DMD: variants seen among roughly 807,000 people sequenced by gnomAD.
The protein encoded by DMD is mutant dystrophin.
Under a neutral mutation model 330.1 loss-of-function variants are expected in DMD, and 63 were observed. That is an observed-to-expected ratio of 0.19 (90% CI 0.16 to 0.24). DMD has a LOEUF of 0.24. Ranked by LOEUF, DMD falls within the 10% of genes least tolerant of loss-of-function variation. The pLI, the probability that DMD is intolerant of heterozygous loss-of-function variation, is 1.00. For synonymous variants in DMD, 1,223 were observed against 959.8 expected, an observed-to-expected ratio of 1.27 and a Z score of -5.07; for missense variants, 3,344 against 2,684.1, an observed-to-expected ratio of 1.25 and a Z score of -5.43.
intron 59 of DMD, among the ~76,000 whole-genome samples, chrX:31,465,931 T>C (rs912319841): frequency 3.6e-5 from 4 of 112,643 alleles, no homozygotes; most frequent in African/African-American, 1.3e-4. Context: ...ATTTCTCTAA[T>C]CACCAGTGAT....
intron 53 of DMD, among the ~76,000 whole-genome samples, chrX:31,659,496 G>A (rs1363948230): frequency 2.8e-5 from 3 of 108,048 alleles, no homozygotes; most frequent in African/African-American, 1.0e-4. Flanking sequence ...AAAATTAGCC[G>A]GGTGTGCTGG....
chrX:31,342,813 A>G (rs1333324221), intron 61 of DMD, among the ~76,000 whole-genome samples: 1 of 111,997 alleles, frequency 8.9e-6, no homozygotes, highest in African/African-American at 3.2e-5. Context: ...GTCTCTCTCT[A>G]TCACCCAGGC....
At chrX:32,534,933 A>G (rs779925400) in intron 17 of DMD, among the ~76,000 whole-genome samples, 3 of 111,282 alleles carry the variant, frequency 2.7e-5, no homozygotes, top group Non-Finnish European at 5.6e-5. Flanking sequence ...CAGGTTTCTG[A>G]CCAGGGAAGA....
intron 3 of DMD, among the ~76,000 whole-genome samples, chrX:32,849,519 T>C (rs779309602): frequency 3.8e-4 from 43 of 111,998 alleles, no homozygotes; most frequent in African/African-American, 1.4e-3. Flanking sequence ...TCTATTAATA[T>C]AAATTGTATT....
intron 37 of DMD, among the ~76,000 whole-genome samples, chrX:32,357,911 C>T (rs964313889): frequency 1.0e-4 from 11 of 109,773 alleles, no homozygotes; most frequent in African/African-American, 2.3e-4. Context: ...TATGTTTATG[C>T]CGAATTGTTA....
intron 30 of DMD, among the ~76,000 whole-genome samples, chrX:32,404,480 T>C (rs931136291): frequency 2.7e-5 from 3 of 111,557 alleles, no homozygotes; most frequent in Non-Finnish European, 5.7e-5. Context: ...ATCAGAATTC[T>C]TTGGGAAAAA....
intron 45 of DMD, among the ~76,000 whole-genome samples, chrX:31,948,034 G>A (rs1002525475): frequency 9.0e-6 from 1 of 110,623 alleles, no homozygotes; most frequent in East Asian, 2.8e-4. Context: ...TTCCCCCTTC[G>A]CCCAGCCCCT....
chrX:31,990,524 C>T (rs1315544959), intron 44 of DMD, among the ~76,000 whole-genome samples: 1 of 112,164 alleles, frequency 8.9e-6, no homozygotes, highest in Non-Finnish European at 1.9e-5. Flanking sequence ...TGTTATTTTC[C>T]TTGCTCTAAG....
At chrX:32,183,573 T>TATAA (rs1557196675) in intron 44 of DMD, among the ~76,000 whole-genome samples, 1 of 26,760 alleles carries the variant, frequency 3.7e-5, no homozygotes, top group African/African-American at 1.1e-4. Flanking sequence ...TATATATAAA[T>TATAA]ATATATATAT....
chrX:32,363,931 A>G (rs1292168443), intron 36 of DMD, among the ~76,000 whole-genome samples: 2 of 111,866 alleles, frequency 1.8e-5, no homozygotes, highest in African/African-American at 3.2e-5. Context: ...GACATCATCA[A>G]ATAGAAACAA....
chrX:32,645,873 C>T (rs976285412), intron 9 of DMD, among the ~76,000 whole-genome samples: 2 of 111,945 alleles, frequency 1.8e-5, no homozygotes, highest in African/African-American at 6.5e-5. Flanking sequence ...GACCCTAAAG[C>T]CAAGAGCAAA....
intron 44 of DMD, among the ~76,000 whole-genome samples, chrX:32,029,500 C>T (rs1286293234): frequency 9.0e-6 from 1 of 111,039 alleles, no homozygotes; most frequent in Admixed American, 9.6e-5. Context: ...AAAACTTGAT[C>T]TAGAAGATCA....
intron 1 of DMD, among the ~76,000 whole-genome samples, chrX:33,205,144 T>C (rs2051494114): frequency 1.8e-5 from 2 of 112,688 alleles, no homozygotes; most frequent in African/African-American, 6.4e-5. Context: ...TGCATCTGAT[T>C]ACGCTCTTTA....
intron 2 of DMD, among the ~76,000 whole-genome samples, chrX:33,008,803 C>CACATATAT (rs367795613): frequency 3.2e-5 from 2 of 62,593 alleles, no homozygotes; most frequent in African/African-American, 5.6e-5. Flanking sequence ...CGTATATATA[C>CACATATAT]GTATATATAC....
At chrX:32,702,080 A>G (rs1376214313) in intron 7 of DMD, among the ~76,000 whole-genome samples, 1 of 112,205 alleles carries the variant, frequency 8.9e-6, no homozygotes, top group Non-Finnish European at 1.9e-5. Flanking sequence ...TACATTTTCA[A>G]GAAATCTATT....
chrX:32,378,095 A>G (rs1249758000), intron 34 of DMD, among the ~76,000 whole-genome samples: 2 of 110,800 alleles, frequency 1.8e-5, no homozygotes, highest in Non-Finnish European at 3.8e-5. Flanking sequence ...AAGTTCTAGC[A>G]AAAAGCTAAC....
intron 7 of DMD, among the ~76,000 whole-genome samples, chrX:32,768,287 T>C (rs951243622): frequency 8.9e-6 from 1 of 112,024 alleles, no homozygotes; most frequent in Non-Finnish European, 1.9e-5. Context: ...ATTTGGGGAA[T>C]AGAGCTATTC....
intron 41 of DMD, among the ~76,000 whole-genome samples, chrX:32,337,002 A>C (rs1284387330): frequency 9.0e-6 from 1 of 111,280 alleles, no homozygotes; most frequent in East Asian, 2.8e-4. Flanking sequence ...TGATCTCATT[A>C]ACTCCTTAGA....
At chrX:32,748,014 C>A (rs957129243) in intron 7 of DMD, among the ~76,000 whole-genome samples, 1 of 111,455 alleles carries the variant, frequency 9.0e-6, no homozygotes, top group African/African-American at 3.3e-5. Flanking sequence ...ATGACAAGCA[C>A]AATGGTAATA....
Sources: gnomAD v4.1 joint callset for allele counts (sites outside exome capture counted in the v4.1 genomes callset) on GRCh38, gnomAD v4.1.1 for gene constraint, MANE v1.5 for transcripts, NCBI Gene and HGNC (gene_info 2026-07-23, HGNC 2026-07-21) for gene names.